Variants in TENM4 observed in about 807,000 individuals in gnomAD.
TENM4 encodes teneurin transmembrane protein 4, also known as teneurin-4.
Under a neutral mutation model 243.3 loss-of-function variants are expected in TENM4, and 82 were observed. The observed-to-expected ratio is 0.34, with a 90% CI of 0.28 to 0.40. The LOEUF (loss-of-function observed/expected upper bound fraction) is 0.40, where lower values mean the gene tolerates loss of function less well. Ranked by LOEUF, TENM4 falls within the 10% of genes least tolerant of loss-of-function variation. TENM4 has a pLI of 1.00. For synonymous variants in TENM4, 1,412 were observed against 1,456.3 expected, an observed-to-expected ratio of 0.97 and a Z score of 0.69; for missense variants, 3,138 against 3,673.3, an observed-to-expected ratio of 0.85 and a Z score of 3.77.
chr11:78,788,404 G>A (rs1856983461), intron 15 of TENM4, among the ~76,000 whole-genome samples: 1 of 152,264 alleles, frequency 6.6e-6, no homozygotes, highest in African/African-American at 2.4e-5. Context: ...GCTGTAAAGT[G>A]GGAAGGGACA....
intron 4 of TENM4, among the ~76,000 whole-genome samples, chr11:79,140,512 A>C (rs968967044): frequency 6.6e-6 from 1 of 152,180 alleles, no homozygotes; most frequent in Non-Finnish European, 1.5e-5. Context: ...GACGCTTCCA[A>C]GTCTTGTGTG....
chr11:79,374,236 G>A (rs1857845421), intron 1 of TENM4, among the ~76,000 whole-genome samples: 2 of 152,036 alleles, frequency 1.3e-5, no homozygotes, highest in African/African-American at 4.8e-5. Flanking sequence ...AACACACATG[G>A]CTATTAATAC....
chr11:79,371,285 G>T (rs1857781184), intron 1 of TENM4, among the ~76,000 whole-genome samples: 1 of 152,320 alleles, frequency 6.6e-6, no homozygotes, highest in Admixed American at 6.5e-5. Flanking sequence ...TGTCCCAGGT[G>T]CACAGCCTAC....
rs185869850 is a variant in TENM4, at chr11:78,788,067, T to C, written c.2180-984A>G. ...TGGCCCCACATGCTTCAAATTCACA[T>C]GAAAATCTCAATCCTTTTCATTTCT... On this transcript the variant is annotated intron_variant, in intron 15 of 33. Transcript: ENST00000278550. 3.1e-4 allele frequency among the ~76,000 whole-genome samples: 47 copies of C among 152,368 alleles called. No homozygotes were observed. The East Asian group carries it at 3.9e-3, about 13-fold the overall frequency.
rs541126870 is a variant in TENM4, at chr11:79,079,351, C to A, written c.-65-9342G>T. Among the ~76,000 whole-genome samples, 39 of 152,324 alleles carry A rather than the reference C, an allele frequency of 2.6e-4. 1 individual carries two copies. In the South Asian group the frequency reaches 8.1e-3, roughly 32 times the overall value. On this transcript the variant is annotated intron_variant, in intron 4 of 33. Transcript: ENST00000278550. Reference sequence around the variant, plus strand: ...AGCTGCGGAGCTGGGAGGGCTCCCCCCAGAGCTGCCTGACCCCCTAGAGGG... The same window carrying A: ...AGCTGCGGAGCTGGGAGGGCTCCCCACAGAGCTGCCTGACCCCCTAGAGGG...
intron 6 of TENM4, among the ~76,000 whole-genome samples, chr11:79,041,675 A>G (rs2136903629): frequency 6.6e-6 from 1 of 152,312 alleles, no homozygotes; most frequent in South Asian, 2.1e-4. Context: ...CACTTTGAAG[A>G]TGAAAAGGTG....
At chr11:79,410,620 T>C (rs1056554246) in intron 1 of TENM4, among the ~76,000 whole-genome samples, 1 of 152,294 alleles carries the variant, frequency 6.6e-6, no homozygotes, top group Non-Finnish European at 1.5e-5. Flanking sequence ...CAGAGAAGTG[T>C]ATATGAAAAG....
intron 19 of TENM4, among the ~76,000 whole-genome samples, chr11:78,750,843 T>C (rs1404604934): frequency 1.4e-5 from 2 of 145,712 alleles, no homozygotes; most frequent in African/African-American, 2.7e-5. Context: ...ATTTACCAAA[T>C]GAGGCTTGTG....
chr11:79,283,402 G>A (rs1281040326), intron 2 of TENM4, among the ~76,000 whole-genome samples: 1 of 151,828 alleles, frequency 6.6e-6, no homozygotes, highest in Non-Finnish European at 1.5e-5. Flanking sequence ...ATTCAAGGTC[G>A]GTTTAACATA....
chr11:78,676,343 G>C lies in TENM4; in HGVS notation c.5305C>G (p.Arg1769Gly). 6.2e-7 allele frequency: 1 copy of C among 1,609,078 alleles called. No homozygotes were observed. The highest frequency in any genetic ancestry group is 8.5e-7 in the Non-Finnish European group (1 of 1,175,958). Residue 1769 changes from arginine to glycine, a missense_variant, in exon 30 of 34, where the codon CGG (arginine) becomes GGG (glycine). Arg to Gly is a moderately radical substitution (Grantham distance 125). Transcript: ENST00000278550. Reference protein sequence around the residue: ...SYYIGADGSLRLLLANGMEVA... With the variant: ...SYYIGADGSLGLLLANGMEVA... ...TCCATGCCGTTGGCCAGCAGCAGCC[G>C]CAAGGAGCCATCGGCCCCGATGTAG...
At chr11:78,745,900 C>T (rs1856040144) in intron 19 of TENM4, among the ~76,000 whole-genome samples, 1 of 152,158 alleles carries the variant, frequency 6.6e-6, no homozygotes, top group Non-Finnish European at 1.5e-5. Flanking sequence ...CCTATATTTA[C>T]CATGTATATT....
chr11:78,836,630 G>A (rs1382086195), intron 12 of TENM4, among the ~76,000 whole-genome samples: 2 of 152,172 alleles, frequency 1.3e-5, no homozygotes, highest in African/African-American at 4.8e-5. Context: ...AGAACAGCAG[G>A]CTCGAGTTTT....
At chr11:78,688,939 A>T (rs1243191024) in intron 28 of TENM4, among the ~76,000 whole-genome samples, 3 of 152,220 alleles carry the variant, frequency 2.0e-5, no homozygotes, top group Non-Finnish European at 2.9e-5. Context: ...TTCTCCTGAT[A>T]ATAATAAAAG....
chr11:78,922,546 C>G (rs1481537495), intron 6 of TENM4, among the ~76,000 whole-genome samples: 2 of 152,328 alleles, frequency 1.3e-5, no homozygotes, highest in South Asian at 2.1e-4. Flanking sequence ...TGGACTGACA[C>G]AGACACAAAT....
intron 1 of TENM4, among the ~76,000 whole-genome samples, chr11:79,370,705 G>C (rs2135508078): frequency 7.0e-6 from 1 of 142,218 alleles, no homozygotes; most frequent in African/African-American, 2.6e-5. Context: ...TTGTGACCTG[G>C]AGGTCACTTC....
chr11:79,301,696 G>C (rs899894992), intron 1 of TENM4, among the ~76,000 whole-genome samples: 2 of 152,220 alleles, frequency 1.3e-5, no homozygotes, highest in African/African-American at 4.8e-5. Flanking sequence ...CTAGTGAAAG[G>C]TGATTGGATC....
intron 6 of TENM4, among the ~76,000 whole-genome samples, chr11:78,968,310 G>A (rs1330133536): frequency 6.6e-6 from 1 of 152,092 alleles, no homozygotes; most frequent in Non-Finnish European, 1.5e-5. Context: ...TTTGAGATGG[G>A]GTCTTACTCT....
intron 6 of TENM4, among the ~76,000 whole-genome samples, chr11:78,937,308 A>G (rs182291901): frequency 1.3e-5 from 2 of 152,334 alleles, no homozygotes; most frequent in Admixed American, 6.5e-5. Context: ...TCTCCATTTC[A>G]GTGCCAGCAT....
chr11:78,664,893 A>G (rs1858114910), intron 32 of TENM4, among the ~76,000 whole-genome samples: 1 of 152,210 alleles, frequency 6.6e-6, no homozygotes, highest in South Asian at 2.1e-4. Context: ...CTGGGCCTTA[A>G]TTACAAGTGA....
Sources: gnomAD v4.1 joint callset for allele counts (sites outside exome capture counted in the v4.1 genomes callset) on GRCh38, gnomAD v4.1.1 for gene constraint, MANE v1.5 for transcripts, NCBI Gene and HGNC (gene_info 2026-07-23, HGNC 2026-07-21) for gene names.